ENOX1: variants seen among roughly 807,000 people sequenced by gnomAD.
ENOX1 encodes ecto-NOX disulfide-thiol exchanger 1, also known as candidate growth-related and time keeping constitutive hydroquinone (NADH) oxidase.
A neutral mutation model predicts 82.5 loss-of-function variants in ENOX1; 42 were observed. The ratio of observed to expected loss-of-function variants is 0.51; its 90% CI spans 0.40 to 0.66. ENOX1 has a LOEUF of 0.66. Ranked by LOEUF, ENOX1 falls within the 30% of genes least tolerant of loss-of-function variation. The pLI, the probability that ENOX1 is intolerant of heterozygous loss-of-function variation, is 0.00. For synonymous variants in ENOX1, 271 were observed against 282.2 expected (o/e 0.96, Z 0.40); for missense variants, 608 against 811.6 (o/e 0.75, Z 3.05).
intron 1 of ENOX1, among the ~76,000 whole-genome samples, chr13:43,772,749 TAAAAAAAAAAAAAA>T (rs35359203): frequency 2.7e-5 from 3 of 112,110 alleles, no homozygotes; most frequent in African/African-American, 3.9e-5. Flanking sequence ...ACTCTGTCTT[TAAAAAAAAAAAAAA>T]AAAAAAAAGA....
intron 2 of ENOX1, among the ~76,000 whole-genome samples, chr13:43,550,820 G>T (rs2079164080): frequency 6.6e-6 from 1 of 152,170 alleles, no homozygotes; most frequent in Non-Finnish European, 1.5e-5. Flanking sequence ...TTGAGTTAAA[G>T]AATCAATCAT....
At chr13:43,286,398 A>G (rs1258856878) in intron 12 of ENOX1, among the ~76,000 whole-genome samples, 1 of 152,182 alleles carries the variant, frequency 6.6e-6, no homozygotes, top group Non-Finnish European at 1.5e-5. Flanking sequence ...AGGTCATTCA[A>G]AGGTCATTTA....
At chr13:43,356,395 A>G (rs191451330) in intron 7 of ENOX1, among the ~76,000 whole-genome samples, 106 of 152,228 alleles carry the variant, frequency 7.0e-4, no homozygotes, top group African/African-American at 2.5e-3. Flanking sequence ...AGGGCTGCTT[A>G]CCCATCTTCC....
At chr13:43,577,009 A>G (rs185512004) in intron 2 of ENOX1, among the ~76,000 whole-genome samples, 23 of 152,354 alleles carry the variant, frequency 1.5e-4, no homozygotes, top group African/African-American at 5.5e-4. Context: ...TGAACCACAC[A>G]TTGTGTAAGG....
chr13:43,678,374 A>G (rs1426245679), intron 1 of ENOX1, among the ~76,000 whole-genome samples: 2 of 152,152 alleles, frequency 1.3e-5, no homozygotes, highest in Non-Finnish European at 2.9e-5. Context: ...TCACGTCTTT[A>G]TTATGTAACA....
intron 2 of ENOX1, among the ~76,000 whole-genome samples, chr13:43,553,543 T>C (rs1412970950): frequency 6.6e-6 from 1 of 152,192 alleles, no homozygotes; most frequent in East Asian, 1.9e-4. Context: ...TCACTTTTGC[T>C]TTGGTTTCTG....
chr13:43,256,680 G>T (rs1035216887), intron 14 of ENOX1, among the ~76,000 whole-genome samples: 2 of 152,158 alleles, frequency 1.3e-5, no homozygotes, highest in Non-Finnish European at 1.5e-5. Context: ...GTAAGGATTT[G>T]AAGAAAGGGG....
chr13:43,730,988 A>ATG (rs1195653977), intron 1 of ENOX1, among the ~76,000 whole-genome samples: 1 of 152,066 alleles, frequency 6.6e-6, no homozygotes, highest in Non-Finnish European at 1.5e-5. Context: ...TTTCTTCATG[A>ATG]TGTGTCTCAT....
chr13:43,623,836 G>T (rs2082853680), intron 2 of ENOX1, among the ~76,000 whole-genome samples: 1 of 152,164 alleles, frequency 6.6e-6, no homozygotes, highest in Non-Finnish European at 1.5e-5. Flanking sequence ...CCCATTGAAA[G>T]ACATCAGGGT....
Position 43,483,998 on chromosome 13 carries a change from T to A in ENOX1, c.-75+11A>T. The A allele has an allele frequency of 1.0e-6, 1 of 985,388 alleles. No individual in the cohort carries two copies. The highest frequency in any genetic ancestry group is 1.2e-6 in the Non-Finnish European group (1 of 829,866). 61.0% of individuals were successfully genotyped at this position (985,388 alleles called of 1,614,324 possible). ...ATCTTCAGTAAGAAAAATGAAAAAA[T>A]TAACACAAACCTCAAAACTGCCAGC... is the stretch of plus-strand genomic sequence containing the variant. On this transcript the variant is annotated intron_variant, in intron 3 of 16. Coordinates refer to ENST00000690772, the MANE Select transcript of ENOX1 (RefSeq NM_001347969.2).
At chr13:43,338,371 T>G (rs1377385107) in intron 9 of ENOX1, among the ~76,000 whole-genome samples, 1 of 152,158 alleles carries the variant, frequency 6.6e-6, no homozygotes. Context: ...TTGGAAAACC[T>G]GGGGAAGTTT....
intron 3 of ENOX1, among the ~76,000 whole-genome samples, chr13:43,444,368 G>T (rs1201098554): frequency 6.6e-6 from 1 of 152,164 alleles, no homozygotes. Flanking sequence ...GGAGGTGAAG[G>T]CTGAGCTGCA....
chr13:43,342,499 G>A (rs1354037368), intron 9 of ENOX1, among the ~76,000 whole-genome samples: 1 of 152,170 alleles, frequency 6.6e-6, no homozygotes, highest in African/African-American at 2.4e-5. Context: ...AGGTGCCTAA[G>A]AGGCAGTCTC....
chr13:43,326,550 A>G (rs757459910), intron 9 of ENOX1, 25 bp from the exon 10 acceptor site: 3 of 1,581,372 alleles, frequency 1.9e-6, no homozygotes, highest in Middle Eastern at 1.7e-4. Flanking sequence ...GAAGTCAAAC[A>G]AGACAAGTAA....
intron 5 of ENOX1, among the ~76,000 whole-genome samples, chr13:43,375,258 G>A (rs1218928743): frequency 1.3e-5 from 2 of 151,920 alleles, no homozygotes; most frequent in Non-Finnish European, 2.9e-5. Context: ...AAAAGAACGG[G>A]GCGGGGGGTG....
chr13:43,467,836 T>C (rs1474413113), intron 3 of ENOX1, among the ~76,000 whole-genome samples: 5 of 152,212 alleles, frequency 3.3e-5, no homozygotes, highest in Non-Finnish European at 7.3e-5. Flanking sequence ...TTGTATATGG[T>C]GTGACACAAG....
chr13:43,550,741 T>C (rs2079159465), intron 2 of ENOX1, among the ~76,000 whole-genome samples: 1 of 152,120 alleles, frequency 6.6e-6, no homozygotes, highest in Non-Finnish European at 1.5e-5. Flanking sequence ...ACAAAAACTC[T>C]CCTCCTTACA....
chr13:43,300,755 C>T (rs1324240892), intron 11 of ENOX1, among the ~76,000 whole-genome samples: 2 of 152,116 alleles, frequency 1.3e-5, no homozygotes, highest in Non-Finnish European at 2.9e-5. Flanking sequence ...GATTTAGGAA[C>T]ATTAGTTTGG....
chr13:43,567,590 T>C (rs1040214113), intron 2 of ENOX1, among the ~76,000 whole-genome samples: 1 of 152,174 alleles, frequency 6.6e-6, no homozygotes, highest in Non-Finnish European at 1.5e-5. Context: ...ATTAATCTTA[T>C]ATTTATGAAA....
Sources: allele counts gnomAD v4.1 joint callset (sites outside exome capture counted in the v4.1 genomes callset), GRCh38; gene constraint gnomAD v4.1.1; transcripts MANE v1.5; gene names NCBI Gene and HGNC (gene_info 2026-07-23, HGNC 2026-07-21).